Variants in ANKH observed in about 807,000 individuals in gnomAD.
ANKH encodes the protein ANKH inorganic pyrophosphate transport regulator.
In ANKH, 15 loss-of-function variants were observed where a neutral mutation model predicts 49.0. The ratio of observed to expected loss-of-function variants is 0.31; its 90% CI spans 0.20 to 0.47. The LOEUF (loss-of-function observed/expected upper bound fraction) is 0.47, where lower values mean the gene tolerates loss of function less well. Ranked by LOEUF, ANKH falls within the 20% of genes least tolerant of loss-of-function variation. The pLI is 1.00. For missense variants in ANKH, 429 were observed against 652.0 expected (o/e 0.66, Z 3.72); for synonymous variants, 273 against 260.0 (o/e 1.05, Z -0.48).
At position 14,711,181 on chromosome 5, in the gene ANKH, C is replaced by T. The variant is rs1579995030; in HGVS notation, c.*16G>A. On this transcript the variant is annotated 3_prime_UTR_variant, in exon 12 of 12. Transcript: ENST00000284268. ...CCTGACTGACTGTCCCTGCAGTGCC[C>T]ATGGCGTCCCGTGCCTTATTCATTC... 2 of 1,596,830 alleles carry T rather than the reference C, an allele frequency of 1.3e-6. No individual in the cohort carries two copies. The highest frequency in any genetic ancestry group is 1.7e-6 in the Non-Finnish European group (2 of 1,164,316).
chr5:14,813,982 G>A (rs757728798), intron 1 of ANKH, among the ~76,000 whole-genome samples: 7 of 151,956 alleles, frequency 4.6e-5, no homozygotes, highest in Non-Finnish European at 8.8e-5. Flanking sequence ...CCCCTCTCCC[G>A]GCTCAGACAG....
chr5:14,752,245 G>A (rs1003026956), intron 4 of ANKH, among the ~76,000 whole-genome samples: 8 of 152,170 alleles, frequency 5.3e-5, no homozygotes, highest in African/African-American at 1.9e-4. Context: ...AGGAGTTTGA[G>A]GTTACAGTGA....
chr5:14,829,239 GT>G (rs1033902507), intron 1 of ANKH, among the ~76,000 whole-genome samples: 20 of 148,488 alleles, frequency 1.3e-4, no homozygotes, highest in African/African-American at 5.0e-4. Context: ...CTCTACTGCA[GT>G]TTTTGTTAAT....
Position 14,713,029 on chromosome 5 carries a change from C to G in ANKH, c.1266-56G>C, listed in dbSNP as rs578231972. On this transcript the variant is annotated intron_variant, in intron 10 of 11. Coordinates refer to ENST00000284268, the MANE Select transcript of ANKH (RefSeq NM_054027.6). The surrounding 1 kb of genome is among the most constrained non-coding windows in gnomAD (Gnocchi z 4.4). ...TGTTAAGGCCAAGTCAAGGCACAAC[C>G]GTCGATGCCAAAACCCAGGAAAGTA... 1 of 1,523,066 alleles carries G rather than the reference C, an allele frequency of 6.6e-7. No homozygotes were observed. The highest frequency in any genetic ancestry group is 1.8e-5 in the Admixed American group (1 of 54,196). The allele number at this position is 1,523,066 out of a possible 1,614,324, so 94.3% of individuals were successfully genotyped here. A position where few individuals can be genotyped will look rare whatever the true frequency, so the allele number is the denominator to read the frequency against.
At chr5:14,812,141 A>G (rs975519826) in intron 1 of ANKH, among the ~76,000 whole-genome samples, 2 of 140,530 alleles carry the variant, frequency 1.4e-5, no homozygotes, top group Non-Finnish European at 3.1e-5. Flanking sequence ...AAAAAAAAAG[A>G]ATAAAAGGAT....
At chr5:14,791,324 C>T (rs189617190) in intron 1 of ANKH, among the ~76,000 whole-genome samples, 7 of 152,218 alleles carry the variant, frequency 4.6e-5, no homozygotes, top group East Asian at 3.9e-4. Flanking sequence ...CATGACTCCT[C>T]GTTCAGCAGG....
At chr5:14,790,700 G>C (rs759177168) in intron 1 of ANKH, among the ~76,000 whole-genome samples, 3 of 152,158 alleles carry the variant, frequency 2.0e-5, no homozygotes, top group Admixed American at 1.3e-4. Flanking sequence ...CTTCGCTTCC[G>C]GGGTTCGAGC....
chr5:14,781,142 T>C (rs1009906465), intron 1 of ANKH, among the ~76,000 whole-genome samples: 3 of 152,208 alleles, frequency 2.0e-5, no homozygotes, highest in Non-Finnish European at 4.4e-5. Context: ...TTGGGTTAAA[T>C]TGGATCATTT....
At chr5:14,736,938 C>G (rs1738206357) in intron 8 of ANKH, among the ~76,000 whole-genome samples, 1 of 152,174 alleles carries the variant, frequency 6.6e-6, no homozygotes, top group South Asian at 2.1e-4. Flanking sequence ...TCTCTTGGCA[C>G]TAACTCCCCA....
chr5:14,751,302 CA>C, intron 4 of ANKH, 63 bp from the exon 5 acceptor site: 1 of 1,533,576 alleles, frequency 6.5e-7, no homozygotes, highest in East Asian at 2.3e-5. Context: ...GACAGAAGCA[CA>C]GGGGCACGCT....
chr5:14,716,515 T>TAAAA (rs966546189), intron 9 of ANKH, among the ~76,000 whole-genome samples, 191 bp downstream of exon 9: 1 of 151,026 alleles, frequency 6.6e-6, no homozygotes, highest in African/African-American at 2.4e-5. Context: ...AATAAATAAA[T>TAAAA]AAAATAAAAA....
chr5:14,742,003 G>T, intron 7 of ANKH, 81 bp from the exon 8 acceptor site: 1 of 1,090,118 alleles, frequency 9.2e-7, no homozygotes, highest in Non-Finnish European at 1.4e-6. Context: ...AGAGCATCTT[G>T]CTTTTGTTTT....
chr5:14,863,067 T>C (rs1424988964), intron 1 of ANKH, among the ~76,000 whole-genome samples: 1 of 152,124 alleles, frequency 6.6e-6, no homozygotes, highest in African/African-American at 2.4e-5. Context: ...TGTGTTATCA[T>C]TAAGTGGTTA....
At chr5:14,712,590 C>T (rs538553582) in intron 11 of ANKH, among the ~76,000 whole-genome samples, 5 of 152,380 alleles carry the variant, frequency 3.3e-5, no homozygotes, top group South Asian at 4.1e-4. Context: ...GGCTGAATTT[C>T]GCCCCATCTA....
intron 1 of ANKH, among the ~76,000 whole-genome samples, chr5:14,857,819 C>A (rs1342972150): frequency 6.6e-6 from 1 of 152,112 alleles, no homozygotes; most frequent in Non-Finnish European, 1.5e-5. Context: ...GAGGGAACAC[C>A]CACCATGTGC....
Position 14,858,938 on chromosome 5 carries a change from C to CT in ANKH, c.96+12413dup, listed in dbSNP as rs905691863. On this transcript the variant is annotated intron_variant, in intron 1 of 11. Transcript: ENST00000284268. ...CTACAATACAATTAATAAATTTAGTCTTTTTTTTTTAAAAGGGAGATCCTC... is the reference window on the plus strand; with the variant it reads ...CTACAATACAATTAATAAATTTAGTCTTTTTTTTTTTAAAAGGGAGATCCTC... 4.0e-3 allele frequency among the ~76,000 whole-genome samples: 597 copies of CT among 147,634 alleles called. 3 individuals carry two copies. Among genetic ancestry groups the CT allele is most frequent in the African/African-American group, 0.012 (503 of 40,434 alleles).
intron 1 of ANKH, among the ~76,000 whole-genome samples, chr5:14,839,858 G>A (rs772914120): frequency 2.6e-5 from 4 of 152,164 alleles, no homozygotes; most frequent in Non-Finnish European, 5.9e-5. Context: ...ATGCAAGCAC[G>A]TACCCCATCA....
chr5:14,861,773 A>C (rs1194208819), intron 1 of ANKH, among the ~76,000 whole-genome samples: 1 of 152,304 alleles, frequency 6.6e-6, no homozygotes. Context: ...AACTTAAACC[A>C]AAACATCCTC....
intron 1 of ANKH, among the ~76,000 whole-genome samples, chr5:14,792,868 T>A (rs1740212702): frequency 6.7e-6 from 1 of 149,282 alleles, no homozygotes; most frequent in Non-Finnish European, 1.5e-5. Context: ...TCCCAGCTAC[T>A]CGGGAGGCTG....
Sources: gnomAD v4.1 joint callset for allele counts (sites outside exome capture counted in the v4.1 genomes callset) on GRCh38, gnomAD v4.1.1 for gene constraint, Gnocchi (gnomAD v3.1) non-coding constraint, MANE v1.5 for transcripts, NCBI Gene and HGNC (gene_info 2026-07-23, HGNC 2026-07-21) for gene names.